TP53BP2: variants seen among roughly 807,000 people sequenced by gnomAD.
TP53BP2 encodes tumor protein p53 binding protein 2.
In TP53BP2, 62 loss-of-function variants were observed where a neutral mutation model predicts 126.2. The observed-to-expected ratio is 0.49, with a 90% confidence interval of 0.40 to 0.61. TP53BP2 has a LOEUF of 0.61. Among genes scored for constraint, TP53BP2 ranks in the 20% least tolerant of loss-of-function variants. The pLI, the probability that TP53BP2 is intolerant of heterozygous loss-of-function variation, is 0.00. For missense variants in TP53BP2, 1,215 were observed against 1,402.8 expected (o/e 0.87, Z 2.14); for synonymous variants, 485 against 502.9 (o/e 0.96, Z 0.48).
chr1:223,808,893 T>A (rs1183017516), intron 4 of TP53BP2, among the ~76,000 whole-genome samples: 1 of 151,872 alleles, frequency 6.6e-6, no homozygotes, highest in African/African-American at 2.4e-5. Context: ...ATTAGAGAAA[T>A]ACAAATTAAA....
intron 13 of TP53BP2, among the ~76,000 whole-genome samples, chr1:223,793,932 T>C (rs550460304): frequency 1.3e-5 from 2 of 152,230 alleles, no homozygotes; most frequent in African/African-American, 2.4e-5. Context: ...CTATGATCCC[T>C]AGTTTACAGA....
chr1:223,796,095 G>A lies in TP53BP2; in HGVS notation c.2444C>T (p.Ser815Phe), dbSNP rs1317397125. The A allele has an allele frequency of 2.5e-6, 4 of 1,614,076 alleles. No homozygotes were observed. Among genetic ancestry groups the A allele is most frequent in the Non-Finnish European group, 8.5e-7 (1 of 1,180,042 alleles). ...EVVSLVPESL[S>F]PEDVGNASTE... Reference sequence around the variant, plus strand: ...ACTGGCATTCCCCACATCCTCTGGGGACAATGATTCAGGAACCAGAGAGAC... The same window carrying A: ...ACTGGCATTCCCCACATCCTCTGGGAACAATGATTCAGGAACCAGAGAGAC... The change falls in exon 13 of 18, where the codon TCC becomes TTC. Residue 815 changes from serine (S) to phenylalanine (F), a missense_variant. Around this residue, in one of 4 missense-constraint regions of TP53BP2, gnomAD observed 204 missense variants for 225.7 expected, o/e 0.90. Coordinates refer to ENST00000343537, the MANE Select transcript of TP53BP2 (RefSeq NM_001031685.3). The surrounding 1 kb of genome is among the most constrained non-coding windows in gnomAD (Gnocchi z 4.2).
chr1:223,803,984 C>T (rs984223024), intron 6 of TP53BP2, among the ~76,000 whole-genome samples, 190 bp downstream of exon 6: 21 of 151,986 alleles, frequency 1.4e-4, no homozygotes, highest in Non-Finnish European at 4.4e-5. Context: ...CAAAAGATAC[C>T]CTTTAAAGTT....
At chr1:223,814,925 T>C (rs1663036001) in intron 2 of TP53BP2, among the ~76,000 whole-genome samples, 1 of 152,156 alleles carries the variant, frequency 6.6e-6, no homozygotes, top group Non-Finnish European at 1.5e-5. Context: ...CCAGTGAGAA[T>C]ACCAGTGTCA....
chr1:223,831,478 A>ATATAT (rs1397956645), intron 1 of TP53BP2, among the ~76,000 whole-genome samples: 104 of 43,500 alleles, frequency 2.4e-3, no homozygotes, highest in Non-Finnish European at 3.8e-3. Context: ...AAAAAAAAAA[A>ATATAT]AAATATATAT....
chr1:223,809,388 G>A (rs1447510395), intron 4 of TP53BP2, among the ~76,000 whole-genome samples: 2 of 152,004 alleles, frequency 1.3e-5, no homozygotes, highest in African/African-American at 4.8e-5. Flanking sequence ...CCAACATGGT[G>A]AAACCCCGAC....
chr1:223,834,262 T>A (rs1198810461), intron 1 of TP53BP2, among the ~76,000 whole-genome samples: 1 of 152,178 alleles, frequency 6.6e-6, no homozygotes, highest in Non-Finnish European at 1.5e-5. Context: ...AAGCATCACC[T>A]GGGAACTTGT....
chr1:223,842,223 C>T (rs1045856642), intron 1 of TP53BP2, among the ~76,000 whole-genome samples: 1 of 152,212 alleles, frequency 6.6e-6, no homozygotes, highest in Non-Finnish European at 1.5e-5. Context: ...CAGGCGTAGC[C>T]ACCGTGCCCG....
At chr1:223,819,681 A>G (rs6694471) in intron 2 of TP53BP2, among the ~76,000 whole-genome samples, 39,798 of 149,828 alleles carry the variant, frequency 0.27, 7,263 homozygotes, top group African/African-American at 0.52. Context: ...GTGAGACTCC[A>G]TCTCAAAAAA....
At chr1:223,788,821 A>G (rs1381002604) in intron 16 of TP53BP2, among the ~76,000 whole-genome samples, 187 bp downstream of exon 16, 1 of 152,234 alleles carries the variant, frequency 6.6e-6, no homozygotes, top group Non-Finnish European at 1.5e-5. Context: ...AGTCCCTGAC[A>G]ATAGCTGTTT....
intron 5 of TP53BP2, among the ~76,000 whole-genome samples, 179 bp downstream of exon 5, chr1:223,806,667 T>C (rs1246728482): frequency 6.6e-6 from 1 of 151,976 alleles, no homozygotes; most frequent in Non-Finnish European, 1.5e-5. Context: ...CTACAAAACA[T>C]ACAAAATTTA....
At chr1:223,820,857 G>GTAGC (rs1471502044) in intron 2 of TP53BP2, among the ~76,000 whole-genome samples, 1 of 152,154 alleles carries the variant, frequency 6.6e-6, no homozygotes. Context: ...TCGACACTGA[G>GTAGC]TAGCTTCCTC....
At chr1:223,832,286 A>C (rs1663763082) in intron 1 of TP53BP2, among the ~76,000 whole-genome samples, 1 of 152,216 alleles carries the variant, frequency 6.6e-6, no homozygotes, top group Non-Finnish European at 1.5e-5. Context: ...TGAAATGAAC[A>C]ATCTATAAAA....
At chr1:223,830,133 C>G (rs1663645664) in intron 1 of TP53BP2, among the ~76,000 whole-genome samples, 1 of 152,146 alleles carries the variant, frequency 6.6e-6, no homozygotes, top group East Asian at 1.9e-4. Context: ...GGTTGAGTAT[C>G]CCCTATCTGA....
chr1:223,821,131 A>G, intron 2 of TP53BP2, 89 bp downstream of exon 2: 7 of 1,533,320 alleles, frequency 4.6e-6, no homozygotes, highest in Non-Finnish European at 6.3e-6. Flanking sequence ...TCCCCGGAGA[A>G]ACATGAGCAT....
rs1179997450 is a variant in TP53BP2 at position 223,796,169 on chromosome 1, T to G, written c.2370A>C (p.Pro790=). 6.2e-7 allele frequency: 1 copy of G among 1,614,202 alleles called. No individual in the cohort carries two copies. The change falls in exon 13 of 18, where the codon CCA becomes CCC. Residue 790 remains proline, a synonymous_variant. Transcript: ENST00000343537. The surrounding 1 kb of genome is among the most constrained non-coding windows in gnomAD (Gnocchi z 4.2). ...SASVTASSES[P]VEIQNPYLHV... is the part of the protein sequence containing the mutation. ...GTAAATATGGATTCTGGATTTCTACTGGGCTTTCTGAGCTGGCAGTCACAG... is the reference window on the plus strand; with the variant it reads ...GTAAATATGGATTCTGGATTTCTACGGGGCTTTCTGAGCTGGCAGTCACAG...
chr1:223,800,228 A>C (rs768001075), intron 10 of TP53BP2, among the ~76,000 whole-genome samples, 181 bp from the exon 11 acceptor site: 1 of 151,666 alleles, frequency 6.6e-6, no homozygotes, highest in Admixed American at 6.6e-5. Context: ...TGAGTTCTCC[A>C]GCTAAATTAA....
chr1:223,828,556 T>A (rs1041841750), intron 1 of TP53BP2, among the ~76,000 whole-genome samples: 3 of 152,202 alleles, frequency 2.0e-5, no homozygotes, highest in Non-Finnish European at 2.9e-5. Context: ...TGGGTCACTA[T>A]CTTGCCTCAA....
rs530510533 is a variant in TP53BP2, at chr1:223,782,539, G to T, written c.3363+1576C>A. The stretch of plus-strand genomic sequence containing the variant: ...ACAGGGTCACCGAGGCTGGAGTGCA[G>T]TGGCACGATCTCGGCTCACCACAAC... On this transcript the variant is annotated intron_variant, in intron 17 of 17. Coordinates refer to ENST00000343537, the MANE Select transcript of TP53BP2 (RefSeq NM_001031685.3). Among the ~76,000 whole-genome samples, 6 of 152,292 alleles carry T rather than the reference G, an allele frequency of 3.9e-5. No individual in the cohort carries two copies. The East Asian group carries it at 1.2e-3, about 29-fold the overall frequency.
Sources: allele counts gnomAD v4.1 joint callset (sites outside exome capture counted in the v4.1 genomes callset), GRCh38; gene constraint gnomAD v4.1.1; regional missense constraint gnomAD v4.1.1; non-coding constraint Gnocchi (gnomAD v3.1); transcripts MANE v1.5; gene names NCBI Gene and HGNC (gene_info 2026-07-23, HGNC 2026-07-21).